The following TAFA1 variants were observed in gnomAD, a reference collection of about 807,000 sequenced individuals.
The protein encoded by TAFA1 is chemokine-like protein TAFA-1.
In TAFA1, 4 loss-of-function variants were observed where a neutral mutation model predicts 18.5. The observed-to-expected ratio is 0.22, with a 90% CI of 0.11 to 0.49. TAFA1 has a LOEUF of 0.49. Among genes scored for constraint, TAFA1 ranks in the 20% least tolerant of loss-of-function variants. TAFA1 has a pLI of 0.98. For missense variants in TAFA1, 147 were observed against 169.0 expected, an observed-to-expected ratio of 0.87 and a Z score of 0.72; for synonymous variants, 56 against 55.2, an observed-to-expected ratio of 1.01 and a Z score of -0.06.
chr3:68,267,812 A>G (rs1212159903), intron 2 of TAFA1, among the ~76,000 whole-genome samples: 1 of 151,950 alleles, frequency 6.6e-6, no homozygotes. Context: ...CTGTAAGCAC[A>G]TTTTCTGTGA....
At chr3:68,361,367 A>T (rs2069464829) in intron 2 of TAFA1, among the ~76,000 whole-genome samples, 1 of 151,950 alleles carries the variant, frequency 6.6e-6, no homozygotes, top group African/African-American at 2.4e-5. Context: ...AGGGTTACAG[A>T]AAAAGGGAGG....
At chr3:68,218,988 C>T (rs1342560494) in intron 2 of TAFA1, among the ~76,000 whole-genome samples, 1 of 149,482 alleles carries the variant, frequency 6.7e-6, no homozygotes, top group East Asian at 2.0e-4. Context: ...AATAGTACTA[C>T]TCAATTCCTA....
intron 2 of TAFA1, among the ~76,000 whole-genome samples, chr3:68,205,945 A>G (rs751295738): frequency 1.3e-5 from 2 of 151,926 alleles, no homozygotes; most frequent in Non-Finnish European, 2.9e-5. Context: ...AATTTATTGC[A>G]GTAGAAATGA....
chr3:68,098,115 C>T (rs540616679), intron 2 of TAFA1, among the ~76,000 whole-genome samples: 1 of 152,108 alleles, frequency 6.6e-6, no homozygotes, highest in Non-Finnish European at 1.5e-5. Flanking sequence ...TCTCACTGTG[C>T]AGAATTATGT....
At chr3:68,411,539 G>C (rs549491410) in intron 2 of TAFA1, among the ~76,000 whole-genome samples, 1 of 152,182 alleles carries the variant, frequency 6.6e-6, no homozygotes, top group Non-Finnish European at 1.5e-5. Flanking sequence ...AGTTAATAAT[G>C]TGTCAATCAA....
intron 2 of TAFA1, among the ~76,000 whole-genome samples, chr3:68,345,826 T>C (rs1374545424): frequency 6.6e-6 from 1 of 152,192 alleles, no homozygotes; most frequent in Non-Finnish European, 1.5e-5. Flanking sequence ...GAGATGGGGA[T>C]AGGAAAGGGT....
chr3:68,082,009 C>G (rs565936966), intron 2 of TAFA1, among the ~76,000 whole-genome samples: 1 of 152,330 alleles, frequency 6.6e-6, no homozygotes, highest in South Asian at 2.1e-4. Flanking sequence ...AGGATATAAT[C>G]TCGTGGTGCG....
At chr3:68,370,542 A>G (rs2069684996) in intron 2 of TAFA1, among the ~76,000 whole-genome samples, 1 of 124,360 alleles carries the variant, frequency 8.0e-6, no homozygotes, top group Admixed American at 9.0e-5. Flanking sequence ...TGGAGCCTGA[A>G]GTTAACCAGA....
intron 2 of TAFA1, among the ~76,000 whole-genome samples, chr3:68,262,594 G>A (rs977680017): frequency 1.3e-5 from 2 of 151,818 alleles, no homozygotes; most frequent in South Asian, 4.2e-4. Flanking sequence ...CCATCATGTT[G>A]CTGCAAAGGT....
intron 2 of TAFA1, among the ~76,000 whole-genome samples, chr3:68,061,441 T>C (rs1441710813): frequency 6.6e-6 from 1 of 152,160 alleles, no homozygotes; most frequent in East Asian, 1.9e-4. Context: ...TAGAATGATT[T>C]CTCCATGAGA....
chr3:68,503,688 A>T (rs140521296), intron 3 of TAFA1, among the ~76,000 whole-genome samples: 36 of 152,248 alleles, frequency 2.4e-4, no homozygotes, highest in Non-Finnish European at 2.9e-5. Flanking sequence ...TAGTTATGTG[A>T]ATTTTACCGA....
intron 3 of TAFA1, among the ~76,000 whole-genome samples, chr3:68,463,266 G>T (rs986582822): frequency 3.3e-5 from 5 of 151,954 alleles, no homozygotes; most frequent in Admixed American, 6.6e-5. Flanking sequence ...TAATCTCTAT[G>T]GATATAATCA....
intron 2 of TAFA1, among the ~76,000 whole-genome samples, chr3:68,268,128 T>G (rs542861372): frequency 6.6e-6 from 1 of 152,286 alleles, no homozygotes; most frequent in South Asian, 2.1e-4. Flanking sequence ...TTAGTCTCTT[T>G]TATAACATCA....
At chr3:68,201,448 C>A (rs919800211) in intron 2 of TAFA1, among the ~76,000 whole-genome samples, 2 of 151,584 alleles carry the variant, frequency 1.3e-5, no homozygotes, top group African/African-American at 4.8e-5. Context: ...TTTCTGCCTG[C>A]TGGATCTATT....
intron 3 of TAFA1, among the ~76,000 whole-genome samples, chr3:68,464,382 G>C (rs1034139368): frequency 1.3e-5 from 2 of 152,214 alleles, no homozygotes; most frequent in African/African-American, 4.8e-5. Context: ...AGCTCCTTTA[G>C]ATTGAATGGC....
chr3:68,173,558 G>A (rs912671173), intron 2 of TAFA1, among the ~76,000 whole-genome samples: 1 of 152,054 alleles, frequency 6.6e-6, no homozygotes, highest in African/African-American at 2.4e-5. Context: ...TTTATATGAA[G>A]GGCCTATTTT....
intron 3 of TAFA1, among the ~76,000 whole-genome samples, chr3:68,442,369 T>C (rs1330596693): frequency 6.6e-6 from 1 of 152,068 alleles, no homozygotes; most frequent in African/African-American, 2.4e-5. Context: ...TTCCTCTTCT[T>C]CTAAGGCCAT....
intron 2 of TAFA1, among the ~76,000 whole-genome samples, chr3:68,227,334 C>T (rs1400006514): frequency 1.3e-5 from 2 of 152,118 alleles, no homozygotes; most frequent in Non-Finnish European, 1.5e-5. Context: ...CATTAATTTC[C>T]TTTCCTGCTA....
At chr3:68,078,695 C>T (rs530869337) in intron 2 of TAFA1, among the ~76,000 whole-genome samples, 132 of 152,166 alleles carry the variant, frequency 8.7e-4, no homozygotes, top group African/African-American at 3.1e-3. Flanking sequence ...TTTTGATGTG[C>T]TGCTGGATTC....
Sources: allele counts gnomAD v4.1 joint callset (sites outside exome capture counted in the v4.1 genomes callset), GRCh38; gene constraint gnomAD v4.1.1; transcripts MANE v1.5; gene names NCBI Gene and HGNC (gene_info 2026-07-23, HGNC 2026-07-21).